The following SCAND3 variants were observed in gnomAD, a reference collection of about 807,000 sequenced individuals.
SCAND3 encodes the protein SCAN domain containing 3.
At chr6:28,589,745 T>C in the SCAND3 span, 1 of 151,994 alleles carries the variant, frequency 6.6e-6, no homozygotes, top group African/African-American at 2.4e-5. Context: ...GACAAACGCT[T>C]CCTCAAAATT....
At chr6:28,573,856 T>C in the SCAND3 span, 10 of 1,494,554 alleles carry the variant, frequency 6.7e-6, no homozygotes, top group Admixed American at 3.0e-5. Flanking sequence ...GTAAATAATA[T>C]GAATTTTACT....
the SCAND3 span, chr6:28,589,367 A>C: frequency 6.6e-6 from 1 of 151,970 alleles, no homozygotes; most frequent in African/African-American, 2.4e-5. Context: ...TACCTACTGT[A>C]CCCTTGTGGT....
the SCAND3 span, among the ~76,000 whole-genome samples, chr6:28,610,886 T>G: frequency 6.6e-6 from 1 of 152,176 alleles, no homozygotes; most frequent in Non-Finnish European, 1.5e-5. Context: ...TGCCTCTAGA[T>G]AAAAGCATTA....
At chr6:28,604,035 T>G in the SCAND3 span, among the ~76,000 whole-genome samples, 1 of 152,216 alleles carries the variant, frequency 6.6e-6, no homozygotes, top group African/African-American at 2.4e-5. Flanking sequence ...GCTGCAAGCT[T>G]TCTTGAGACC....
the SCAND3 span, chr6:28,572,856 TA>T: frequency 5.6e-6 from 9 of 1,613,972 alleles, no homozygotes; most frequent in East Asian, 2.2e-5. The surrounding 1 kb of genome is among the most constrained non-coding windows in gnomAD (Gnocchi z 4.1). Context: ...GTTCAGCTGA[TA>T]TTTTTTTCAT....
At chr6:28,597,356 C>T in the SCAND3 span, among the ~76,000 whole-genome samples, 2 of 152,338 alleles carry the variant, frequency 1.3e-5, no homozygotes, top group Admixed American at 1.3e-4. Context: ...GGATGGGATT[C>T]GAACCCACGC....
chr6:28,601,384 G>A, the SCAND3 span, among the ~76,000 whole-genome samples: 1 of 152,190 alleles, frequency 6.6e-6, no homozygotes, highest in African/African-American at 2.4e-5. Flanking sequence ...TGCATGGAAA[G>A]TCATTACACC....
chr6:28,607,363 T>C, the SCAND3 span, among the ~76,000 whole-genome samples: 1 of 152,188 alleles, frequency 6.6e-6, no homozygotes, highest in Non-Finnish European at 1.5e-5. Flanking sequence ...GTTAAGTATC[T>C]GTATCGATAG....
chr6:28,608,077 G>A, the SCAND3 span, among the ~76,000 whole-genome samples: 1 of 152,144 alleles, frequency 6.6e-6, no homozygotes, highest in African/African-American at 2.4e-5. Context: ...TGCGTTCAAG[G>A]AGAAAGACAC....
the SCAND3 span, chr6:28,579,412 T>C: frequency 1.2e-6 from 2 of 1,612,076 alleles, no homozygotes; most frequent in Non-Finnish European, 8.5e-7. The surrounding 1 kb of genome is among the most constrained non-coding windows in gnomAD (Gnocchi z 4.5). Context: ...ATATGTGCCC[T>C]GTGAGACCTG....
chr6:28,615,493 A>G, the SCAND3 span, among the ~76,000 whole-genome samples: 148 of 151,996 alleles, frequency 9.7e-4, no homozygotes, highest in Admixed American at 2.4e-3. Context: ...CGCGCCTGTA[A>G]TCTCAGCTAC....
the SCAND3 span, chr6:28,573,234 C>CAT: frequency 6.2e-7 from 1 of 1,614,048 alleles, no homozygotes; most frequent in Non-Finnish European, 8.5e-7. Context: ...GTTGATCTTC[C>CAT]ATATCATTAG....
the SCAND3 span, among the ~76,000 whole-genome samples, chr6:28,607,218 G>A: frequency 1.6e-4 from 24 of 152,222 alleles, no homozygotes; most frequent in Admixed American, 4.6e-4. Context: ...TTCAATCCCC[G>A]GCACCTCCAC....
At chr6:28,586,660 C>T in the SCAND3 span, 11 of 1,614,094 alleles carry the variant, frequency 6.8e-6, no homozygotes, top group African/African-American at 1.3e-5. The surrounding 1 kb of genome is among the most constrained non-coding windows in gnomAD (Gnocchi z 4.4). Flanking sequence ...ATAATCTCCC[C>T]TTGTTCTTCT....
At chr6:28,608,291 T>C in the SCAND3 span, among the ~76,000 whole-genome samples, 2 of 152,240 alleles carry the variant, frequency 1.3e-5, no homozygotes, top group Admixed American at 1.3e-4. Context: ...TATTGTATTC[T>C]ATAAATAGTG....
At chr6:28,583,070 G>C in the SCAND3 span, among the ~76,000 whole-genome samples, 5 of 151,812 alleles carry the variant, frequency 3.3e-5, no homozygotes, top group African/African-American at 9.7e-5. Context: ...GGAAAGGGGG[G>C]GCAAGGGTGG....
the SCAND3 span, among the ~76,000 whole-genome samples, chr6:28,589,015 C>G: frequency 6.6e-6 from 1 of 152,204 alleles, no homozygotes; most frequent in Non-Finnish European, 1.5e-5. Flanking sequence ...CTTCCTCTCC[C>G]TACTCCAGCT....
the SCAND3 span, among the ~76,000 whole-genome samples, chr6:28,601,781 A>C: frequency 9.2e-5 from 14 of 152,168 alleles, no homozygotes; most frequent in South Asian, 2.1e-4. Flanking sequence ...GGCCTCCCAA[A>C]GTGATGGAAT....
the SCAND3 span, among the ~76,000 whole-genome samples, chr6:28,610,108 C>G: frequency 2.0e-5 from 3 of 152,130 alleles, no homozygotes; most frequent in African/African-American, 7.2e-5. Flanking sequence ...CCTGTAATCC[C>G]AACTACTCAG....
Sources: gnomAD v4.1 joint callset for allele counts (sites outside exome capture counted in the v4.1 genomes callset) on GRCh38, gnomAD v4.1.1 for gene constraint, Gnocchi (gnomAD v3.1) non-coding constraint, MANE v1.5 for transcripts, NCBI Gene and HGNC (gene_info 2026-07-23, HGNC 2026-07-21) for gene names.